The following CLSTN2 variants were observed in gnomAD, a reference collection of about 807,000 sequenced individuals.
The protein encoded by CLSTN2 is calsyntenin-2.
In CLSTN2, 48 loss-of-function variants were observed where a neutral mutation model predicts 101.2. The ratio of observed to expected loss-of-function variants is 0.47; its 90% CI spans 0.38 to 0.60. CLSTN2 has a LOEUF of 0.60. Among genes scored for constraint, CLSTN2 ranks in the 20% least tolerant of loss-of-function variants. The probability of loss-of-function intolerance (pLI) is 0.00; values close to 1 mark genes in which losing one functional copy is unlikely to be tolerated. For synonymous variants in CLSTN2, 481 were observed against 463.6 expected, an observed-to-expected ratio of 1.04 and a Z score of -0.48; for missense variants, 1,160 against 1,238.2, an observed-to-expected ratio of 0.94 and a Z score of 0.95.
intron 2 of CLSTN2, among the ~76,000 whole-genome samples, chr3:140,178,549 A>G (rs1176708289): frequency 7.9e-5 from 12 of 152,192 alleles, no homozygotes; most frequent in Admixed American, 6.5e-4. Flanking sequence ...AAAAGAGTCT[A>G]GCTTAATGCA....
At chr3:140,345,566 T>A (rs953710971) in intron 2 of CLSTN2, among the ~76,000 whole-genome samples, 7 of 151,854 alleles carry the variant, frequency 4.6e-5, no homozygotes, top group African/African-American at 1.5e-4. Flanking sequence ...AGCCTTTTTT[T>A]ATGCAGGATT....
In CLSTN2 at chr3:140,466,745, C is replaced by T; in HGVS notation, c.1344+14C>T. On this transcript the variant is annotated intron_variant, in intron 8 of 16. Coordinates refer to ENST00000458420, the MANE Select transcript of CLSTN2 (RefSeq NM_022131.3). ...AAGCTGGATCAGGTATGGTGCTCAC[C>T]TCACACCTGCTGCTACTCATGCCTC... The T allele has an allele frequency of 6.2e-7, 1 of 1,613,706 alleles. No individual in the cohort carries two copies. The highest frequency in any genetic ancestry group is 8.5e-7 in the Non-Finnish European group (1 of 1,179,964).
chr3:140,532,048 T>G (rs1191524912), intron 8 of CLSTN2, among the ~76,000 whole-genome samples: 3 of 152,144 alleles, frequency 2.0e-5, no homozygotes, highest in East Asian at 3.9e-4. Flanking sequence ...CTTCTCTGCC[T>G]CCCCAGGTGC....
At chr3:140,111,936 A>G (rs1560098141) in intron 1 of CLSTN2, among the ~76,000 whole-genome samples, 1 of 152,184 alleles carries the variant, frequency 6.6e-6, no homozygotes, top group Non-Finnish European at 1.5e-5. Context: ...CTTACCCACG[A>G]CCACACAGCC....
At chr3:140,530,952 C>T (rs1313338922) in intron 8 of CLSTN2, among the ~76,000 whole-genome samples, 1 of 152,196 alleles carries the variant, frequency 6.6e-6, no homozygotes, top group Non-Finnish European at 1.5e-5. Flanking sequence ...GCCCAGGGTG[C>T]TCCTACCTCT....
chr3:140,554,921 T>C (rs1345132558), intron 10 of CLSTN2, among the ~76,000 whole-genome samples: 1 of 152,176 alleles, frequency 6.6e-6, no homozygotes, highest in Non-Finnish European at 1.5e-5. Flanking sequence ...AAGAAAAAAA[T>C]GGAAATCTAT....
chr3:140,564,227 C>A (rs1935988362), intron 16 of CLSTN2, 82 bp downstream of exon 16: 4 of 1,255,790 alleles, frequency 3.2e-6, no homozygotes, highest in Admixed American at 1.9e-5. Context: ...CCTAAAGCAG[C>A]CCCATACCCC....
chr3:140,300,203 A>C (rs2087044947), intron 2 of CLSTN2, among the ~76,000 whole-genome samples: 1 of 152,244 alleles, frequency 6.6e-6, no homozygotes, highest in Non-Finnish European at 1.5e-5. Flanking sequence ...TTTATGCATA[A>C]TAATGCATAA....
intron 9 of CLSTN2, among the ~76,000 whole-genome samples, chr3:140,538,451 G>T (rs1935402413): frequency 6.6e-6 from 1 of 152,304 alleles, no homozygotes; most frequent in South Asian, 2.1e-4. Context: ...CCAAAGCAAA[G>T]AATAGGAAGG....
intron 2 of CLSTN2, among the ~76,000 whole-genome samples, chr3:140,382,257 G>C (rs2087993703): frequency 6.6e-6 from 1 of 152,112 alleles, no homozygotes; most frequent in African/African-American, 2.4e-5. Context: ...TATTAGGCCT[G>C]GTCCCAGACT....
chr3:140,247,543 G>A (rs775676594), intron 2 of CLSTN2, among the ~76,000 whole-genome samples: 31 of 152,184 alleles, frequency 2.0e-4, no homozygotes, highest in African/African-American at 3.4e-4. Flanking sequence ...AAAACCAAGC[G>A]TGAGAGCAGG....
chr3:140,113,767 A>G (rs1005796048), intron 1 of CLSTN2, among the ~76,000 whole-genome samples: 3 of 152,258 alleles, frequency 2.0e-5, no homozygotes, highest in African/African-American at 7.2e-5. Context: ...GTGCAAAATT[A>G]TGAAACTAAT....
intron 1 of CLSTN2, among the ~76,000 whole-genome samples, chr3:140,174,007 C>T (rs1402216461): frequency 6.6e-6 from 1 of 152,232 alleles, no homozygotes; most frequent in Non-Finnish European, 1.5e-5. Context: ...AAAATTTCTA[C>T]AATTGACTGG....
intron 1 of CLSTN2, among the ~76,000 whole-genome samples, chr3:140,175,014 C>T (rs1016408217): frequency 6.6e-6 from 1 of 152,182 alleles, no homozygotes; most frequent in Non-Finnish European, 1.5e-5. Context: ...CCTGGGGCTG[C>T]ACAACTCTAT....
rs74884664 is a variant in CLSTN2, at chr3:139,935,456, C to G, written c.82C>G (p.Arg28Gly). Residue 28 changes from arginine (R) to glycine (G), a missense_variant, in exon 1 of 17, where the codon CGG (arginine) becomes GGG (glycine). By Grantham distance (125) the Arg-to-Gly change is moderately radical. Coordinates refer to ENST00000458420, the MANE Select transcript of CLSTN2 (RefSeq NM_022131.3). The surrounding 1 kb of genome is among the most constrained non-coding windows in gnomAD (Gnocchi z 5.5). ...CGGCAGCGGCGGTGGCGGGGACAGC[C>G]GGCAGCGCCGCCTCCTCGCGGCTAA... ...GSGSGGGGDS[R>G]QRRLLAAKVN... The G allele has an allele frequency of 1.0e-3, 1,275 of 1,231,242 alleles. 7 individuals are homozygous for G. In the African/African-American group the frequency reaches 0.016, roughly 16 times the overall value. The allele number at this position is 1,231,242 out of a possible 1,614,324, so 76.3% of individuals were successfully genotyped here.
At chr3:140,372,134 A>G (rs2087865252) in intron 2 of CLSTN2, among the ~76,000 whole-genome samples, 1 of 152,144 alleles carries the variant, frequency 6.6e-6, no homozygotes, top group Non-Finnish European at 1.5e-5. Flanking sequence ...GGAATCCCAC[A>G]CTTGAACACT....
intron 1 of CLSTN2, among the ~76,000 whole-genome samples, chr3:140,163,230 G>A (rs9862740): frequency 0.78 from 118,951 of 152,042 alleles, 47,152 homozygotes; most frequent in East Asian, 0.91. Flanking sequence ...TAACATGGAT[G>A]AGCCTCATCC....
chr3:140,374,995 C>T (rs2087900894), intron 2 of CLSTN2, among the ~76,000 whole-genome samples: 2 of 152,242 alleles, frequency 1.3e-5, no homozygotes, highest in African/African-American at 4.8e-5. Flanking sequence ...TTGGCCTTCT[C>T]CCTTCCTTTG....
intron 1 of CLSTN2, among the ~76,000 whole-genome samples, chr3:140,052,412 T>C (rs572289708): frequency 6.6e-6 from 1 of 152,260 alleles, no homozygotes; most frequent in East Asian, 1.9e-4. Context: ...TGCCTCGGCC[T>C]CCCAAAGTGC....
Sources: allele counts gnomAD v4.1 joint callset (sites outside exome capture counted in the v4.1 genomes callset), GRCh38; gene constraint gnomAD v4.1.1; non-coding constraint Gnocchi (gnomAD v3.1); transcripts MANE v1.5; gene names NCBI Gene and HGNC (gene_info 2026-07-23, HGNC 2026-07-21).